EPHA5: variants seen among roughly 807,000 people sequenced by gnomAD.
The protein encoded by EPHA5 is ephrin type-A receptor 5.
A neutral mutation model predicts 105.0 loss-of-function variants in EPHA5; 60 were observed. The observed-to-expected ratio is 0.57, with a 90% CI of 0.46 to 0.71. The LOEUF (loss-of-function observed/expected upper bound fraction) is 0.71, where lower values mean the gene tolerates loss of function less well. EPHA5 is among the 30% of genes least tolerant of loss of function. The pLI, the probability that EPHA5 is intolerant of heterozygous loss-of-function variation, is 0.00. For missense variants in EPHA5, 1,218 were observed against 1,274.7 expected (o/e 0.96, Z 0.68); for synonymous variants, 513 against 449.1 (o/e 1.14, Z -1.80).
chr4:65,383,517 A>G (rs181646732), intron 8 of EPHA5, among the ~76,000 whole-genome samples: 204 of 151,976 alleles, frequency 1.3e-3, no homozygotes, highest in African/African-American at 4.6e-3. Flanking sequence ...AAGAAACACT[A>G]TTTTTATCTT....
At chr4:65,554,074 G>C (rs1176109795) in intron 3 of EPHA5, among the ~76,000 whole-genome samples, 1 of 151,070 alleles carries the variant, frequency 6.6e-6, no homozygotes, top group East Asian at 1.9e-4. Context: ...ACAAATTTCA[G>C]TGTTCATTTC....
chr4:65,664,826 GA>G (rs1749831535), intron 1 of EPHA5, among the ~76,000 whole-genome samples: 1 of 151,694 alleles, frequency 6.6e-6, no homozygotes, highest in African/African-American at 2.4e-5. Context: ...TTTCTGAAAA[GA>G]AAAATGCAAA....
At chr4:65,600,591 A>T (rs1743621807) in intron 3 of EPHA5, among the ~76,000 whole-genome samples, 1 of 152,144 alleles carries the variant, frequency 6.6e-6, no homozygotes, top group African/African-American at 2.4e-5. Context: ...AGGAAGTCTG[A>T]TTCATGTAAC....
chr4:65,462,003 A>G (rs964543463), intron 5 of EPHA5, among the ~76,000 whole-genome samples: 2 of 152,146 alleles, frequency 1.3e-5, no homozygotes, highest in African/African-American at 4.8e-5. Flanking sequence ...GCATATGCAC[A>G]CATTAGATTA....
Position 65,397,682 on chromosome 4 carries a change from A to C in EPHA5, c.1793+6692T>G, listed in dbSNP as rs527892848. Among the ~76,000 whole-genome samples the C allele has an allele frequency of 6.6e-5, 10 of 151,932 alleles. No individual in the cohort carries two copies. In the South Asian group the frequency reaches 1.9e-3, roughly 28 times the overall value. On this transcript the variant is annotated intron_variant, in intron 8 of 16. Transcript: ENST00000613740. The stretch of plus-strand genomic sequence containing the variant: ...ATCCATGCACACTTAACCTCCTTGT[A>C]AAATGTGTTTCTTCTTGTCTTGAGG...
chr4:65,582,485 A>G (rs2149400044), intron 3 of EPHA5, among the ~76,000 whole-genome samples: 1 of 151,418 alleles, frequency 6.6e-6, no homozygotes, highest in African/African-American at 2.4e-5. Flanking sequence ...AAAAAAAAAA[A>G]AAAGAAAATC....
intron 8 of EPHA5, among the ~76,000 whole-genome samples, chr4:65,393,721 A>G (rs184000160): frequency 2.6e-4 from 40 of 152,304 alleles, no homozygotes; most frequent in African/African-American, 9.1e-4. Flanking sequence ...AATATCTGGG[A>G]ACTTTTCAGC....
At chr4:65,471,548 T>A (rs754869508) in intron 5 of EPHA5, among the ~76,000 whole-genome samples, 1 of 152,172 alleles carries the variant, frequency 6.6e-6, no homozygotes, top group Non-Finnish European at 1.5e-5. Flanking sequence ...GGGTGATTCA[T>A]AAACAAAAGA....
At chr4:65,603,694 C>A (rs1411281965) in intron 2 of EPHA5, among the ~76,000 whole-genome samples, 1 of 152,078 alleles carries the variant, frequency 6.6e-6, no homozygotes, top group Non-Finnish European at 1.5e-5. Flanking sequence ...TCCTTAAATT[C>A]ACAAGAGAGA....
intron 3 of EPHA5, among the ~76,000 whole-genome samples, chr4:65,591,164 A>T (rs948328762): frequency 2.0e-5 from 3 of 152,108 alleles, no homozygotes; most frequent in Non-Finnish European, 4.4e-5. Context: ...CTAAAATAAA[A>T]GTTTTCCGTT....
At chr4:65,564,782 T>C (rs1340459102) in intron 3 of EPHA5, among the ~76,000 whole-genome samples, 1 of 151,732 alleles carries the variant, frequency 6.6e-6, no homozygotes, top group African/African-American at 2.4e-5. Context: ...TTTAGGGTGA[T>C]ACATATATAC....
At chr4:65,643,995 G>A (rs1377338717) in intron 1 of EPHA5, among the ~76,000 whole-genome samples, 3 of 151,932 alleles carry the variant, frequency 2.0e-5, no homozygotes, top group Non-Finnish European at 4.4e-5. Flanking sequence ...CCAAGACAAG[G>A]AAATTGTAGC....
chr4:65,327,059 T>C (rs1034655398), intron 16 of EPHA5, among the ~76,000 whole-genome samples: 63 of 151,150 alleles, frequency 4.2e-4, no homozygotes, highest in Non-Finnish European at 1.3e-4. Flanking sequence ...TAGAGAAAAA[T>C]ATAATTTAAT....
chr4:65,334,559 G>A (rs188256031), intron 15 of EPHA5, among the ~76,000 whole-genome samples: 1 of 151,862 alleles, frequency 6.6e-6, no homozygotes, highest in South Asian at 2.1e-4. Context: ...CATAGGTAGG[G>A]ATGGAGAAAG....
intron 14 of EPHA5, among the ~76,000 whole-genome samples, chr4:65,345,283 A>G (rs1411528713): frequency 6.6e-6 from 1 of 152,322 alleles, no homozygotes; most frequent in Non-Finnish European, 1.5e-5. Context: ...ATTTTAAGTG[A>G]CTACAAGAAG....
rs921329308 is a variant in EPHA5, at chr4:65,450,572, T to A, written c.1403-30007A>T. On this transcript the variant is annotated intron_variant, in intron 5 of 16. Coordinates refer to ENST00000613740, the MANE Select transcript of EPHA5 (RefSeq NM_001281766.3). Reference sequence around the variant, plus strand: ...TTCCAAAGCATAATGGCAAATAATATGTGACAATGTGAAATACTATAAATA... The same window carrying A: ...TTCCAAAGCATAATGGCAAATAATAAGTGACAATGTGAAATACTATAAATA... 8.5e-5 allele frequency among the ~76,000 whole-genome samples: 13 copies of A among 152,268 alleles called. No individual in the cohort carries two copies. In the South Asian group the frequency reaches 2.7e-3, roughly 32 times the overall value.
At chr4:65,356,181 C>A (rs1283970025) in intron 11 of EPHA5, among the ~76,000 whole-genome samples, 1 of 151,436 alleles carries the variant, frequency 6.6e-6, no homozygotes, top group African/African-American at 2.4e-5. Flanking sequence ...GCTTTTCCTG[C>A]ATTTCTACTT....
intron 3 of EPHA5, among the ~76,000 whole-genome samples, chr4:65,596,728 C>A (rs1282023849): frequency 6.6e-6 from 1 of 151,788 alleles, no homozygotes; most frequent in East Asian, 1.9e-4. Flanking sequence ...CACACAGGCA[C>A]CATTGATATT....
chr4:65,439,520 C>T (rs1355540329), intron 5 of EPHA5, among the ~76,000 whole-genome samples: 5 of 148,374 alleles, frequency 3.4e-5, no homozygotes, highest in Admixed American at 1.4e-4. Context: ...TCCAAGAGTT[C>T]ATATCTTGCA....
Sources: gnomAD v4.1 joint callset for allele counts (sites outside exome capture counted in the v4.1 genomes callset) on GRCh38, gnomAD v4.1.1 for gene constraint, MANE v1.5 for transcripts, NCBI Gene and HGNC (gene_info 2026-07-23, HGNC 2026-07-21) for gene names.